Variants in UNC13D observed in about 807,000 individuals in gnomAD.
UNC13D encodes the protein protein unc-13 homolog D.
In UNC13D, 115 loss-of-function variants were observed where a neutral mutation model predicts 151.7. The observed-to-expected ratio is 0.76, with a 90% CI of 0.65 to 0.88. UNC13D has a LOEUF of 0.88. Ranked by LOEUF, UNC13D falls within the 40% of genes least tolerant of loss-of-function variation. The pLI is 0.00. For synonymous variants in UNC13D, 588 were observed against 612.2 expected (o/e 0.96, Z 0.58); for missense variants, 1,369 against 1,438.7 (o/e 0.95, Z 0.78).
chr17:75,843,859 G>A, intron 1 of UNC13D: 8 of 1,370,726 alleles, frequency 5.8e-6, no homozygotes, highest in East Asian at 2.9e-5. Flanking sequence ...GGTGAGGGGG[G>A]TGCCACGTCG....
chr17:75,842,161 C>T (rs1289016098), intron 6 of UNC13D, among the ~76,000 whole-genome samples: 1 of 152,194 alleles, frequency 6.6e-6, no homozygotes, highest in African/African-American at 2.4e-5. Context: ...CCATCCCTGC[C>T]TCCTTTCAGG....
In UNC13D at chr17:75,835,177, A is replaced by G; in HGVS notation, c.1849-114T>C. On this transcript the variant is annotated intron_variant, in intron 20 of 31. Coordinates refer to ENST00000207549, the MANE Select transcript of UNC13D (RefSeq NM_199242.3). The stretch of plus-strand genomic sequence containing the variant: ...ACAGAGCTGGGCAGGGAGCTTCACA[A>G]GAGACAAGCACGGCTCCGCCCAGAC... 9.1e-6 allele frequency: 14 copies of G among 1,534,414 alleles called. No individual in the cohort carries two copies. In the South Asian group the frequency reaches 1.5e-4, roughly 17 times the overall value.
Position 75,834,929 on chromosome 17 carries a change from C to G in UNC13D, c.1983G>C (p.Lys661Asn), listed in dbSNP as rs767814153. The change falls in exon 21 of 32, where the codon AAG (lysine) becomes AAC (asparagine). Residue 661 changes from lysine to asparagine, a missense_variant. By Grantham distance (94) the Lys-to-Asn change is moderately conservative. Around this residue, in one of 3 missense-constraint regions of UNC13D, gnomAD observed 807 missense variants for 795.5 expected, o/e 1.01. Transcript: ENST00000207549. ...GTGGAAGATGCCGCACCTCCACAAA[C>G]TTGACGGTAATCATGAAGGCCTCCT... ...DPEEAFMITV[K>N]FVEDTCRLAL... 7 of 1,613,924 alleles carry G rather than the reference C, an allele frequency of 4.3e-6. No homozygotes were observed. Among genetic ancestry groups the G allele is most frequent in the Admixed American group, 1.7e-5 (1 of 59,998 alleles).
At chr17:75,843,129 G>A in intron 3 of UNC13D, 30 bp downstream of exon 3, 1 of 1,609,350 alleles carries the variant, frequency 6.2e-7, no homozygotes, top group South Asian at 1.1e-5. Flanking sequence ...GCAGCTGCAG[G>A]AAGGGGGGTG....
rs752982918 is a variant in UNC13D, at chr17:75,832,906, G to A, written c.2447+60C>T. On this transcript the variant is annotated intron_variant, in intron 25 of 31. Coordinates refer to ENST00000207549, the MANE Select transcript of UNC13D (RefSeq NM_199242.3). The surrounding 1 kb of genome is among the most constrained non-coding windows in gnomAD (Gnocchi z 4.3). Reference sequence around the variant, plus strand: ...AACGGATGCTGGGGCCCAGGAAGGAGGGGCCGTGGGAGGAGAGGGGGAGGT... The same window carrying A: ...AACGGATGCTGGGGCCCAGGAAGGAAGGGCCGTGGGAGGAGAGGGGGAGGT... The A allele has an allele frequency of 2.0e-6, 3 of 1,506,242 alleles. No homozygotes were observed. Among genetic ancestry groups the A allele is most frequent in the Non-Finnish European group, 2.7e-6 (3 of 1,107,076 alleles). The allele number at this position is 1,506,242 out of a possible 1,614,324, so 93.3% of individuals were successfully genotyped here.
rs1229155468 is a variant in UNC13D at position 75,829,002 on chromosome 17, C to G, written c.2955-19G>C. 6 of 1,598,444 alleles carry G rather than the reference C, an allele frequency of 3.8e-6. No homozygotes were observed. The highest frequency in any genetic ancestry group is 3.3e-5 in the Admixed American group (2 of 59,704). Reference sequence around the variant, plus strand: ...CACCAGGCTGCGGGGAGAGTCAGGGCTCTGCTGCCAGCCCCAGCACAGCCA... The same window carrying G: ...CACCAGGCTGCGGGGAGAGTCAGGGGTCTGCTGCCAGCCCCAGCACAGCCA... On this transcript the variant is annotated intron_variant, in intron 30 of 31. Transcript: ENST00000207549.
intron 31 of UNC13D, 74 bp from the exon 32 acceptor site, chr17:75,828,160 T>G (rs532939871): frequency 3.5e-4 from 529 of 1,532,922 alleles, no homozygotes; most frequent in Non-Finnish European, 4.2e-4. Context: ...GAAGAGTGTG[T>G]GGGGGGGTAC....
intron 30 of UNC13D, 200 bp downstream of exon 30, chr17:75,829,828 T>G: frequency 1.4e-6 from 1 of 721,978 alleles, no homozygotes; most frequent in Non-Finnish European, 2.2e-6. Context: ...TCCGCCTGCC[T>G]CGGCCTCCCA....
intron 25 of UNC13D, 23 bp from the exon 26 acceptor site, chr17:75,831,371 C>A (rs781412638): frequency 1.3e-6 from 2 of 1,599,426 alleles, no homozygotes; most frequent in East Asian, 2.2e-5. Context: ...CGGAGGGATG[C>A]GGACACAGCA....
chr17:75,830,532 G>A, intron 28 of UNC13D, 46 bp downstream of exon 28: 1 of 1,576,996 alleles, frequency 6.3e-7, no homozygotes, highest in African/African-American at 1.3e-5. Flanking sequence ...CGGGAGCGGG[G>A]TGCTCCAGGG....
At chr17:75,831,448 C>T in intron 25 of UNC13D, 100 bp from the exon 26 acceptor site, 1 of 1,105,266 alleles carries the variant, frequency 9.0e-7, no homozygotes, top group Non-Finnish European at 1.3e-6. Flanking sequence ...AGTGACCCAG[C>T]CCCACCCCAG....
intron 12 of UNC13D, among the ~76,000 whole-genome samples, chr17:75,838,628 T>C (rs945491492): frequency 6.6e-6 from 1 of 152,188 alleles, no homozygotes; most frequent in Non-Finnish European, 1.5e-5. Flanking sequence ...CATAGATTTG[T>C]CCTTATCAGC....
chr17:75,828,258 C>T (rs1176505366), intron 31 of UNC13D, among the ~76,000 whole-genome samples, 172 bp from the exon 32 acceptor site: 1 of 152,228 alleles, frequency 6.6e-6, no homozygotes, highest in East Asian at 1.9e-4. Flanking sequence ...CTGACAGACG[C>T]ATCCGGTCGG....
chr17:75,842,425 C>A lies in UNC13D; in HGVS notation c.569+8G>T. The A allele has an allele frequency of 6.2e-7, 1 of 1,608,806 alleles. No individual in the cohort carries two copies. The highest frequency in any genetic ancestry group is 8.5e-7 in the Non-Finnish European group (1 of 1,176,658). ...GGATAGAGTGGGGGCTGGAGCACGG[C>A]CACGTACAGGATGAAGGTCTCGTCC... On this transcript the variant is annotated splice_region_variant and intron_variant, in intron 6 of 31. Transcript: ENST00000207549.
In UNC13D at chr17:75,832,164, G is replaced by A. The variant is rs768873219; in HGVS notation, c.2447+802C>T. Reference sequence around the variant, plus strand: ...CATGGTTTAAGAAATAAAAACGGCCGGGCTCCGAGGGGCCCTGGCTTATAC... The same window carrying A: ...CATGGTTTAAGAAATAAAAACGGCCAGGCTCCGAGGGGCCCTGGCTTATAC... On this transcript the variant is annotated intron_variant, in intron 25 of 31. Coordinates refer to ENST00000207549, the MANE Select transcript of UNC13D (RefSeq NM_199242.3). The surrounding 1 kb of genome is among the most constrained non-coding windows in gnomAD (Gnocchi z 4.3). 1.3e-5 allele frequency: 2 copies of A among 152,150 alleles called. No homozygotes were observed. The highest frequency in any genetic ancestry group is 6.6e-5 in the Admixed American group (1 of 15,262). The allele number at this position is 152,150 out of a possible 1,614,324, so 9.4% of individuals were successfully genotyped here. A position where few individuals can be genotyped will look rare whatever the true frequency, so the allele number is the denominator to read the frequency against.
In UNC13D at chr17:75,835,003, A is replaced by G; in HGVS notation, c.1909T>C (p.Phe637Leu). 1 of 1,614,100 alleles carries G rather than the reference A, an allele frequency of 6.2e-7. No homozygotes were observed. Among genetic ancestry groups the G allele is most frequent in the East Asian group, 2.2e-5 (1 of 44,878 alleles). Residue 637 changes from phenylalanine to leucine, a missense_variant, in exon 21 of 32, where the codon TTT (phenylalanine) becomes CTT (leucine). Physicochemically the swap from Phe to Leu is conservative, Grantham distance 22. Transcript: ENST00000207549. ...STSAVDLSTCFAQISHTARQL... is the reference protein window; with the variant it reads ...STSAVDLSTCLAQISHTARQL... The stretch of plus-strand genomic sequence containing the variant: ...CGGGCAGTGTGGCTGATCTGGGCAA[A>G]GCAGGTGGATAGATCCACCGCTGAT...
chr17:75,842,582 A>C lies in UNC13D; in HGVS notation c.420T>G (p.Ile140Met). 2 of 1,611,632 alleles carry C rather than the reference A, an allele frequency of 1.2e-6. No individual in the cohort carries two copies. Among genetic ancestry groups the C allele is most frequent in the Non-Finnish European group, 1.7e-6 (2 of 1,179,220 alleles). The change falls in exon 6 of 32, where the codon ATT (isoleucine) becomes ATG (methionine). Residue 140 changes from isoleucine (I) to methionine (M), a missense_variant. Ile to Met is a conservative substitution (Grantham distance 10). Coordinates refer to ENST00000207549, the MANE Select transcript of UNC13D (RefSeq NM_199242.3). ...CCCCTGGCACACCTACCCCCTGCTC[A>C]ATGCCCAGCAGGCAGTAGGGGTCGC... ...GFSDPYCLLG[I>M]EQGVGVPGGS...
rs556988412 is a variant in UNC13D, at chr17:75,843,007, A to G, written c.321+7T>C. The G allele has an allele frequency of 6.2e-7, 1 of 1,605,988 alleles. No individual in the cohort carries two copies. Among genetic ancestry groups the G allele is most frequent in the African/African-American group, 1.3e-5 (1 of 74,474 alleles). On this transcript the variant is annotated splice_region_variant and intron_variant, in intron 4 of 31. Coordinates refer to ENST00000207549, the MANE Select transcript of UNC13D (RefSeq NM_199242.3). ...CCTTGCCCAGGGGGACCCTGGCCCCAGGTTACCTCAAGCTCCCTGACCCGC... is the reference window on the plus strand; with the variant it reads ...CCTTGCCCAGGGGGACCCTGGCCCCGGGTTACCTCAAGCTCCCTGACCCGC...
intron 12 of UNC13D, among the ~76,000 whole-genome samples, chr17:75,837,327 A>G (rs890720220): frequency 4.6e-5 from 7 of 150,726 alleles, no homozygotes; most frequent in Non-Finnish European, 8.9e-5. Context: ...CGGCCTCCCA[A>G]AGTTCTGGGA....
Sources: allele counts gnomAD v4.1 joint callset (sites outside exome capture counted in the v4.1 genomes callset), GRCh38; gene constraint gnomAD v4.1.1; regional missense constraint gnomAD v4.1.1; non-coding constraint Gnocchi (gnomAD v3.1); transcripts MANE v1.5; gene names NCBI Gene and HGNC (gene_info 2026-07-23, HGNC 2026-07-21).